The following PICALM variants were observed in gnomAD, a reference collection of about 807,000 sequenced individuals.
PICALM encodes the protein phosphatidylinositol binding clathrin assembly protein.
PICALM carries 40 observed loss-of-function variants against 80.5 expected under a neutral mutation model. That is an observed-to-expected ratio of 0.50 (90% CI 0.39 to 0.65). The LOEUF (loss-of-function observed/expected upper bound fraction) is 0.65, where lower values mean the gene tolerates loss of function less well. Among genes scored for constraint, PICALM ranks in the 30% least tolerant of loss-of-function variants. The probability of loss-of-function intolerance (pLI) is 0.00; values close to 1 mark genes in which losing one functional copy is unlikely to be tolerated. For missense variants in PICALM, 676 were observed against 778.9 expected, an observed-to-expected ratio of 0.87 and a Z score of 1.57; for synonymous variants, 288 against 260.3, an observed-to-expected ratio of 1.11 and a Z score of -1.02.
At chr11:86,015,819 T>C (rs519950) in intron 4 of PICALM, among the ~76,000 whole-genome samples, 18 of 152,186 alleles carry the variant, frequency 1.2e-4, no homozygotes, top group Admixed American at 2.0e-4. Context: ...GTTCCCCTAA[T>C]TTACAAATGA....
chr11:85,996,581 G>C (rs1295313100), intron 12 of PICALM, among the ~76,000 whole-genome samples: 1 of 151,882 alleles, frequency 6.6e-6, no homozygotes, highest in Admixed American at 6.6e-5. Context: ...AACACACTTG[G>C]TCCTTCCTCT....
At chr11:86,056,148 A>AAAAG (rs2096266939) in intron 1 of PICALM, among the ~76,000 whole-genome samples, 1 of 149,348 alleles carries the variant, frequency 6.7e-6, no homozygotes, top group Non-Finnish European at 1.5e-5. Flanking sequence ...AAAAAAAAAA[A>AAAAG]AAGAAAAAAC....
At chr11:86,042,900 AC>A (rs2096000833) in intron 1 of PICALM, among the ~76,000 whole-genome samples, 1 of 152,184 alleles carries the variant, frequency 6.6e-6, no homozygotes, top group Non-Finnish European at 1.5e-5. Context: ...AAAGGAAAAA[AC>A]ATTTATGGTA....
chr11:86,007,630 A>G (rs764626500), intron 7 of PICALM, 47 bp from the exon 8 acceptor site: 102 of 885,520 alleles, frequency 1.2e-4, no homozygotes, highest in South Asian at 1.6e-4. Context: ...AAAATATTTT[A>G]TAAATAAAAT....
chr11:86,059,857 G>T (rs1252293758), intron 1 of PICALM, among the ~76,000 whole-genome samples: 1 of 149,418 alleles, frequency 6.7e-6, no homozygotes, highest in African/African-American at 2.5e-5. Flanking sequence ...CACAAAAAAG[G>T]ATAGTTTTGA....
upstream of PICALM, chr11:86,069,798 C>G (rs533220630): frequency 5.9e-5 from 9 of 152,384 alleles, no homozygotes; most frequent in African/African-American, 2.2e-4. Context: ...CTCCGAAAAC[C>G]CGACACGTTG....
chr11:86,068,819 G>T lies in PICALM; in HGVS notation c.-39C>A, dbSNP rs1271141199. On this transcript the variant is annotated 5_prime_UTR_variant, in exon 1 of 20. Transcript: ENST00000393346. ...CCACCACCCCACCCGCTCAGCAGCC[G>T]GCGGGGACTGGGACCCCCAAGAGCC... 1.9e-6 allele frequency: 3 copies of T among 1,562,192 alleles called. No homozygotes were observed. Among genetic ancestry groups the T allele is most frequent in the Non-Finnish European group, 1.7e-6 (2 of 1,158,340 alleles).
At chr11:85,971,582 A>G (rs776775962) in intron 19 of PICALM, among the ~76,000 whole-genome samples, 24 of 152,034 alleles carry the variant, frequency 1.6e-4, no homozygotes, top group Non-Finnish European at 2.9e-4. Context: ...AAAAAAATAC[A>G]AAAATTAGCC....
chr11:85,988,609 AAG>A (rs1306038033), intron 13 of PICALM, among the ~76,000 whole-genome samples: 24 of 152,094 alleles, frequency 1.6e-4, no homozygotes, highest in Non-Finnish European at 3.2e-4. Context: ...AAGGGAGAAA[AAG>A]AGGGGAAGGG....
intron 1 of PICALM, among the ~76,000 whole-genome samples, chr11:86,063,813 G>C (rs2096404316): frequency 6.6e-6 from 1 of 151,780 alleles, no homozygotes; most frequent in Admixed American, 6.6e-5. Flanking sequence ...ATTCTTACAG[G>C]AAAGAATAGG....
At chr11:86,052,052 C>T (rs1006031740) in intron 1 of PICALM, among the ~76,000 whole-genome samples, 2 of 152,184 alleles carry the variant, frequency 1.3e-5, no homozygotes, top group African/African-American at 2.4e-5. Flanking sequence ...CCAACTGAAA[C>T]GGTTTGGCTC....
chr11:86,056,959 A>T (rs2096278992), intron 1 of PICALM, among the ~76,000 whole-genome samples: 1 of 152,210 alleles, frequency 6.6e-6, no homozygotes, highest in Admixed American at 6.5e-5. Flanking sequence ...AATGTACAGA[A>T]CAGAAAAATT....
Position 86,050,789 on chromosome 11 carries a change from T to C in PICALM, c.130+17862A>G, listed in dbSNP as rs375595598. Among the ~76,000 whole-genome samples the C allele has an allele frequency of 5.3e-5, 8 of 151,806 alleles. No homozygotes were observed. In the East Asian group the frequency reaches 1.5e-3, roughly 29 times the overall value. On this transcript the variant is annotated intron_variant, in intron 1 of 19. Coordinates refer to ENST00000393346, the MANE Select transcript of PICALM (RefSeq NM_007166.4). Reference sequence around the variant, plus strand: ...CAGGCAACACATATAAGACAATTTTTAATAAAGGTAGAAAGAAACTCCCTT... The same window carrying C: ...CAGGCAACACATATAAGACAATTTTCAATAAAGGTAGAAAGAAACTCCCTT...
intron 19 of PICALM, among the ~76,000 whole-genome samples, chr11:85,973,597 C>T (rs2094178232): frequency 6.6e-6 from 1 of 152,220 alleles, no homozygotes; most frequent in African/African-American, 2.4e-5. Flanking sequence ...TGGTTCAGTA[C>T]TACCCCATTT....
chr11:86,036,945 C>CAAAAAAA lies in PICALM; in HGVS notation c.131-5341_131-5335dup, dbSNP rs57778395. On this transcript the variant is annotated intron_variant, in intron 1 of 19. Transcript: ENST00000393346. Reference sequence around the variant, plus strand: ...AGGGAGATCCTGTCTCAACAACAACCAAAAAAAAAAAATTTTTTTTGAGAT... The same window carrying CAAAAAAA: ...AGGGAGATCCTGTCTCAACAACAACCAAAAAAAAAAAAAAAAAAATTTTTTTTGAGAT... 1.3e-3 allele frequency among the ~76,000 whole-genome samples: 164 copies of CAAAAAAA among 125,926 alleles called. 4 individuals carry two copies. Among genetic ancestry groups the CAAAAAAA allele is most frequent in the African/African-American group, 4.5e-3 (139 of 31,016 alleles). The allele number at this position is 125,926 out of a possible 152,430, so 82.6% of individuals were successfully genotyped here.
intron 1 of PICALM, among the ~76,000 whole-genome samples, chr11:86,065,441 C>CA (rs552979493): frequency 0.016 from 2,062 of 127,722 alleles, 42 homozygotes; most frequent in African/African-American, 0.047. Context: ...GACTCCGTCT[C>CA]AAAAAAAAAA....
At chr11:85,960,310 G>C (rs1191266818) in intron 19 of PICALM, among the ~76,000 whole-genome samples, 1 of 152,154 alleles carries the variant, frequency 6.6e-6, no homozygotes, top group Non-Finnish European at 1.5e-5. Flanking sequence ...GCATCAAGAA[G>C]AACAAATTAC....
chr11:86,035,199 A>T (rs1477532126), intron 1 of PICALM, among the ~76,000 whole-genome samples: 4 of 152,028 alleles, frequency 2.6e-5, no homozygotes, highest in Non-Finnish European at 5.9e-5. Flanking sequence ...TCTTACAGTC[A>T]TATTCCTAGT....
intron 19 of PICALM, among the ~76,000 whole-genome samples, chr11:85,961,317 T>A (rs1288711816): frequency 6.6e-6 from 1 of 152,224 alleles, no homozygotes; most frequent in Non-Finnish European, 1.5e-5. Flanking sequence ...CTCATTTATC[T>A]TGACGAACTG....
Sources: gnomAD v4.1 joint callset for allele counts (sites outside exome capture counted in the v4.1 genomes callset) on GRCh38, gnomAD v4.1.1 for gene constraint, MANE v1.5 for transcripts, NCBI Gene and HGNC (gene_info 2026-07-23, HGNC 2026-07-21) for gene names.